Variants in TMEM51 observed in about 807,000 individuals in gnomAD.
The protein encoded by TMEM51 is transmembrane protein 51.
Under a neutral mutation model 13.6 loss-of-function variants are expected in TMEM51, and 8 were observed. That is an observed-to-expected ratio of 0.59 (90% CI 0.35 to 1.07). The LOEUF is 1.07. TMEM51 is among the 50% of genes least tolerant of loss of function. The pLI, the probability that TMEM51 is intolerant of heterozygous loss-of-function variation, is 0.02. For synonymous variants in TMEM51, 147 were observed against 144.4 expected, an observed-to-expected ratio of 1.02 and a Z score of -0.13; for missense variants, 279 against 330.7, an observed-to-expected ratio of 0.84 and a Z score of 1.21.
At chr1:15,163,695 T>C (rs1404275924) in intron 1 of TMEM51, among the ~76,000 whole-genome samples, 2 of 150,770 alleles carry the variant, frequency 1.3e-5, no homozygotes, top group Non-Finnish European at 3.0e-5. Context: ...CCAGAGATGG[T>C]CCTAGCCACG....
chr1:15,162,390 T>C (rs1014711259), intron 1 of TMEM51, among the ~76,000 whole-genome samples: 1 of 152,044 alleles, frequency 6.6e-6, no homozygotes, highest in Non-Finnish European at 1.5e-5. Context: ...CTTGAACTCC[T>C]GGCCTCGAGT....
At chr1:15,193,639 AC>A (rs1643984643) in intron 1 of TMEM51, among the ~76,000 whole-genome samples, 1 of 137,974 alleles carries the variant, frequency 7.2e-6, no homozygotes, top group Non-Finnish European at 1.5e-5. Flanking sequence ...GTGCAGTGGC[AC>A]GGTCTCGGCT....
At chr1:15,197,710 A>C (rs549453359) in intron 1 of TMEM51, among the ~76,000 whole-genome samples, 2 of 152,184 alleles carry the variant, frequency 1.3e-5, no homozygotes, top group Admixed American at 1.3e-4. Flanking sequence ...TTTACAGATG[A>C]GGAAACCGAG....
In TMEM51 at chr1:15,161,192, T is replaced by C. The variant is rs1039509035; in HGVS notation, c.-267+7238T>C. Among the ~76,000 whole-genome samples, 1 of 151,962 alleles carries C rather than the reference T, an allele frequency of 6.6e-6. No homozygotes were observed. The highest frequency in any genetic ancestry group is 2.4e-5 in the African/African-American group (1 of 41,286). On this transcript the variant is annotated intron_variant, in intron 1 of 3. Transcript: ENST00000376008. This position sits in a 1 kb window ranked among gnomAD's most constrained non-coding sequence, Gnocchi z 4.0. ...CTGAAGGCAGAGGTGGAAAAAGTAT[T>C]TTATATAGTTTCTTCTTAAAAGTCA...
chr1:15,219,417 A>C lies in TMEM51; in HGVS notation c.436A>C (p.Arg146=). The change falls in exon 4 of 4, where the codon AGG becomes CGG. Residue 146 remains arginine (R), a synonymous_variant. Coordinates refer to ENST00000376008, the MANE Select transcript of TMEM51 (RefSeq NM_001136218.2). ...EVMNTNYSEA[R]GEEQNPRLSI... Reference sequence around the variant, plus strand: ...GATGAACACAAACTACTCAGAAGCAAGGGGAGAGGAGCAGAACCCGAGGTT... The same window carrying C: ...GATGAACACAAACTACTCAGAAGCACGGGGAGAGGAGCAGAACCCGAGGTT... The C allele has an allele frequency of 1.2e-6, 2 of 1,613,800 alleles. No individual in the cohort carries two copies. Among genetic ancestry groups the C allele is most frequent in the Non-Finnish European group, 8.5e-7 (1 of 1,179,760 alleles).
intron 1 of TMEM51, among the ~76,000 whole-genome samples, chr1:15,202,894 G>A (rs1375817752): frequency 2.0e-5 from 3 of 152,146 alleles, no homozygotes; most frequent in East Asian, 1.9e-4. Flanking sequence ...GCAGGACCCC[G>A]CTTCTTCTCT....
At chr1:15,185,670 C>T (rs191977913) in intron 1 of TMEM51, among the ~76,000 whole-genome samples, 288 of 152,340 alleles carry the variant, frequency 1.9e-3, no homozygotes, top group Middle Eastern at 6.8e-3. Context: ...TTCCAGAGTG[C>T]TGTGACAGGT....
intron 1 of TMEM51, chr1:15,168,836 T>G (rs1643132219): frequency 2.4e-6 from 3 of 1,244,550 alleles, no homozygotes; most frequent in Non-Finnish European, 3.1e-6. Flanking sequence ...CATATCCGGC[T>G]CATGATAAAA....
intron 1 of TMEM51, among the ~76,000 whole-genome samples, chr1:15,157,059 A>G (rs534116379): frequency 1.5e-4 from 23 of 152,330 alleles, no homozygotes; most frequent in African/African-American, 5.3e-4. Context: ...CTCCTGAGAA[A>G]GAAAACAGGC....
At chr1:15,185,930 G>C (rs1557843518) in intron 1 of TMEM51, among the ~76,000 whole-genome samples, 2 of 152,178 alleles carry the variant, frequency 1.3e-5, no homozygotes, top group Admixed American at 1.3e-4. Flanking sequence ...CAAGTGGAAA[G>C]AACCATGTCT....
chr1:15,191,786 G>T, intron 1 of TMEM51: 1 of 326,068 alleles, frequency 3.1e-6, no homozygotes, highest in Non-Finnish European at 6.2e-6. Flanking sequence ...ATTTCCAGCT[G>T]TTGAGACAAT....
chr1:15,197,615 T>C (rs1401566809), intron 1 of TMEM51, among the ~76,000 whole-genome samples: 1 of 152,070 alleles, frequency 6.6e-6, no homozygotes, highest in Non-Finnish European at 1.5e-5. Flanking sequence ...ACCTCATTCC[T>C]GCTAAGTGTG....
rs750830272 is a variant in TMEM51, at chr1:15,219,450, T to A, written c.469T>A (p.Ser157Thr). 2 of 1,613,908 alleles carry A rather than the reference T, an allele frequency of 1.2e-6. No homozygotes were observed. Among genetic ancestry groups the A allele is most frequent in the South Asian group, 2.2e-5 (2 of 91,076 alleles). Residue 157 changes from serine to threonine, a missense_variant, in exon 4 of 4, where the codon TCT (serine) becomes ACT (threonine). Physicochemically the swap from Ser to Thr is moderately conservative, Grantham distance 58. Coordinates refer to ENST00000376008, the MANE Select transcript of TMEM51 (RefSeq NM_001136218.2). Reference protein sequence around the residue: ...GEEQNPRLSISLPSYESLTGL... With the variant: ...GEEQNPRLSITLPSYESLTGL... ...GGAGCAGAACCCGAGGTTGAGCATC[T>A]CTCTCCCGTCCTATGAGTCACTGAC...
intron 1 of TMEM51, among the ~76,000 whole-genome samples, chr1:15,166,323 C>T (rs1642996420): frequency 1.3e-5 from 2 of 152,120 alleles, no homozygotes; most frequent in Admixed American, 6.6e-5. Flanking sequence ...GGTTGGTTTA[C>T]CCTTCAAACT....
intron 1 of TMEM51, among the ~76,000 whole-genome samples, chr1:15,167,181 G>C (rs1399339010): frequency 6.6e-6 from 1 of 151,892 alleles, no homozygotes; most frequent in Non-Finnish European, 1.5e-5. Context: ...CAAAAAATTA[G>C]CCAGGCGTGG....
At chr1:15,199,591 C>A (rs1644115845) in intron 1 of TMEM51, among the ~76,000 whole-genome samples, 1 of 152,168 alleles carries the variant, frequency 6.6e-6, no homozygotes, top group Admixed American at 6.5e-5. Flanking sequence ...GCGTAAGGAG[C>A]AGCTACTGAA....
At chr1:15,158,653 C>A (rs1238747629) in intron 1 of TMEM51, among the ~76,000 whole-genome samples, 1 of 152,150 alleles carries the variant, frequency 6.6e-6, no homozygotes, top group African/African-American at 2.4e-5. Flanking sequence ...GTTTCCTAAT[C>A]GGTGATTCAG....
chr1:15,169,470 T>C (rs1049132811), intron 1 of TMEM51, among the ~76,000 whole-genome samples: 1 of 152,122 alleles, frequency 6.6e-6, no homozygotes, highest in Non-Finnish European at 1.5e-5. Context: ...AGTTTGCCCC[T>C]GAAATAAATG....
intron 1 of TMEM51, among the ~76,000 whole-genome samples, chr1:15,201,360 TA>T (rs1274399437): frequency 2.8e-4 from 43 of 151,070 alleles, no homozygotes; most frequent in African/African-American, 9.4e-4. Context: ...ACAGAATACA[TA>T]AAATTAATAA....
Sources: allele counts gnomAD v4.1 joint callset (sites outside exome capture counted in the v4.1 genomes callset), GRCh38; gene constraint gnomAD v4.1.1; non-coding constraint Gnocchi (gnomAD v3.1); transcripts MANE v1.5; gene names NCBI Gene and HGNC (gene_info 2026-07-23, HGNC 2026-07-21).